The following MTMR9 variants were observed in gnomAD, a reference collection of about 807,000 sequenced individuals.
MTMR9 encodes the protein myotubularin related protein 9.
MTMR9 carries 39 observed loss-of-function variants against 69.5 expected under a neutral mutation model. That is an observed-to-expected ratio of 0.56 (90% CI 0.43 to 0.73). The LOEUF (loss-of-function observed/expected upper bound fraction) is 0.73. Ranked by LOEUF, MTMR9 falls within the 30% of genes least tolerant of loss-of-function variation. The pLI is 0.00. For synonymous variants in MTMR9, 354 were observed against 240.8 expected (o/e 1.47, Z -4.35); for missense variants, 900 against 671.2 (o/e 1.34, Z -3.77).
At chr8:11,314,839 G>C in intron 6 of MTMR9, 84 bp from the exon 7 acceptor site, 2 of 1,344,436 alleles carry the variant, frequency 1.5e-6, no homozygotes, top group Non-Finnish European at 2.1e-6. Flanking sequence ...AAAATGTTGT[G>C]CTCAATAAAC....
chr8:11,309,473 C>CT lies in MTMR9; in HGVS notation c.810-51dup, dbSNP rs1408439410. 3.3e-6 allele frequency: 5 copies of CT among 1,501,794 alleles called. No individual in the cohort carries two copies. In the African/African-American group the frequency reaches 7.0e-5, roughly 21 times the overall value. The allele number at this position is 1,501,794 out of a possible 1,614,324, so 93.0% of individuals were successfully genotyped here. A position where few individuals can be genotyped will look rare whatever the true frequency, so the allele number is the denominator to read the frequency against. The stretch of plus-strand genomic sequence containing the variant: ...GGAGGCTGAATCTTTGGTTTGGTTT[C>CT]TTTATCTTTCTATTTTCTGGGTTTG... On this transcript the variant is annotated intron_variant, in intron 5 of 9. Coordinates refer to ENST00000221086, the MANE Select transcript of MTMR9 (RefSeq NM_015458.4).
chr8:11,297,429 T>C (rs895714491), intron 2 of MTMR9, among the ~76,000 whole-genome samples: 4 of 152,202 alleles, frequency 2.6e-5, no homozygotes, highest in South Asian at 2.1e-4. Context: ...ATGCATGTAG[T>C]TTATAGACTG....
At chr8:11,293,973 G>C (rs1026429823) in intron 1 of MTMR9, among the ~76,000 whole-genome samples, 1 of 152,094 alleles carries the variant, frequency 6.6e-6, no homozygotes, top group Non-Finnish European at 1.5e-5. Context: ...ATTGTGTAGT[G>C]TTAGCCATAC....
At chr8:11,294,174 G>C (rs752932601) in intron 1 of MTMR9, among the ~76,000 whole-genome samples, 5 of 152,240 alleles carry the variant, frequency 3.3e-5, no homozygotes, top group Admixed American at 6.5e-5. Flanking sequence ...TTACACAATC[G>C]TCATCTGCAA....
intron 1 of MTMR9, among the ~76,000 whole-genome samples, chr8:11,285,719 T>G (rs1799124529): frequency 6.6e-6 from 1 of 152,256 alleles, no homozygotes; most frequent in African/African-American, 2.4e-5. Context: ...AGACTTTATC[T>G]TTCCAAGGCA....
rs996444630 is a variant in MTMR9 at position 11,327,931 on chromosome 8, C to G, written c.*5143C>G. 6.6e-6 allele frequency: 1 copy of G among 152,146 alleles called. No homozygotes were observed. The highest frequency in any genetic ancestry group is 1.5e-5 in the Non-Finnish European group (1 of 68,008). The allele number at this position is 152,146 out of a possible 1,614,324, so 9.4% of individuals were successfully genotyped here. Reference sequence around the variant, plus strand: ...ACTAGGTGATAATTTCCCCTGTACCCTATAACTGTAATCATTCACCTTGGG... The same window carrying G: ...ACTAGGTGATAATTTCCCCTGTACCGTATAACTGTAATCATTCACCTTGGG... On this transcript the variant is annotated 3_prime_UTR_variant, in exon 10 of 10. Transcript: ENST00000221086.
At chr8:11,302,558 C>G (rs1799788440) in intron 3 of MTMR9, among the ~76,000 whole-genome samples, 1 of 152,024 alleles carries the variant, frequency 6.6e-6, no homozygotes, top group African/African-American at 2.4e-5. Context: ...GATAAAAGCT[C>G]TTAGAGTTGG....
intron 2 of MTMR9, among the ~76,000 whole-genome samples, chr8:11,298,394 T>C (rs1395633571): frequency 1.3e-5 from 2 of 151,998 alleles, no homozygotes; most frequent in Non-Finnish European, 2.9e-5. Flanking sequence ...TATATATATA[T>C]ATATTTATAT....
At chr8:11,287,731 TTATA>T (rs1227724117) in intron 1 of MTMR9, among the ~76,000 whole-genome samples, 1 of 136,836 alleles carries the variant, frequency 7.3e-6, no homozygotes, top group East Asian at 2.0e-4. Flanking sequence ...ATATTATATA[TTATA>T]TATTATTTTC....
chr8:11,301,845 C>T (rs949490853), intron 3 of MTMR9, among the ~76,000 whole-genome samples: 24 of 151,766 alleles, frequency 1.6e-4, no homozygotes, highest in East Asian at 7.7e-4. Context: ...AATATAGATC[C>T]GAAATAATTA....
rs754839909 is a variant in MTMR9, at chr8:11,319,814, C to G, written c.1462C>G (p.Pro488Ala). ...NNLVIWPSVA[P>A]QSLPLWEGIF... is the part of the protein sequence containing the mutation. ...CCTTGTCATCTGGCCTTCAGTTGCTCCGCAGAGTCTTCCACTGTGGGAAGG... is the reference window on the plus strand; with the variant it reads ...CCTTGTCATCTGGCCTTCAGTTGCTGCGCAGAGTCTTCCACTGTGGGAAGG... Residue 488 changes from proline (P) to alanine (A), a missense_variant, in exon 9 of 10, where the codon CCG becomes GCG. Pro to Ala is a conservative substitution (Grantham distance 27). Coordinates refer to ENST00000221086, the MANE Select transcript of MTMR9 (RefSeq NM_015458.4). The G allele has an allele frequency of 3.2e-5, 51 of 1,614,010 alleles. No individual in the cohort carries two copies. The Middle Eastern group carries it at 4.9e-4, about 16-fold the overall frequency.
At chr8:11,312,152 C>G (rs1800226658) in intron 6 of MTMR9, among the ~76,000 whole-genome samples, 2 of 152,000 alleles carry the variant, frequency 1.3e-5, no homozygotes, top group Non-Finnish European at 2.9e-5. Context: ...TCAAATGATT[C>G]TCCCACCTCA....
In MTMR9 at chr8:11,309,534, A is replaced by T; in HGVS notation, c.817A>T (p.Ile273Phe). The T allele has an allele frequency of 1.2e-6, 2 of 1,606,114 alleles. No homozygotes were observed. The highest frequency in any genetic ancestry group is 1.3e-5 in the African/African-American group (1 of 74,600). ...RIHKSIERYH[I>F]LQESLIKLVE... Reference sequence around the variant, plus strand: ...CTTTCTTACTTTTAAAAGGTATCACATTCTTCAGGAGAGCTTAATCAAACT... The same window carrying T: ...CTTTCTTACTTTTAAAAGGTATCACTTTCTTCAGGAGAGCTTAATCAAACT... Residue 273 changes from isoleucine (I) to phenylalanine (F), a missense_variant, in exon 6 of 10, where the codon ATT (isoleucine) becomes TTT (phenylalanine). Physicochemically the swap from Ile to Phe is conservative, Grantham distance 21. Coordinates refer to ENST00000221086, the MANE Select transcript of MTMR9 (RefSeq NM_015458.4).
At chr8:11,298,861 T>G (rs1799652356) in intron 2 of MTMR9, 1 of 985,314 alleles carries the variant, frequency 1.0e-6, no homozygotes, top group South Asian at 4.7e-5. Flanking sequence ...TTTCCAGGAT[T>G]CAAGTGCTCC....
rs1246547522 is a variant in MTMR9 at position 11,326,362 on chromosome 8, G to A, written c.*3574G>A. ...TTTTATGAGCACTCTTTATCAGAAA[G>A]GTATTTCCTGGACCAGAAATGGGCA... On this transcript the variant is annotated 3_prime_UTR_variant, in exon 10 of 10. Transcript: ENST00000221086. The A allele has an allele frequency of 6.6e-6, 1 of 152,182 alleles. No homozygotes were observed. The highest frequency in any genetic ancestry group is 6.5e-5 in the Admixed American group (1 of 15,284). 9.4% of individuals were successfully genotyped at this position (152,182 alleles called of 1,614,324 possible).
At chr8:11,321,146 C>G (rs973903635) in intron 9 of MTMR9, 1 of 176,126 alleles carries the variant, frequency 5.7e-6, no homozygotes, top group East Asian at 1.5e-4. Flanking sequence ...CACCTCAGTT[C>G]ATGCTTCTAA....
intron 8 of MTMR9, 118 bp downstream of exon 8, chr8:11,317,011 G>T: frequency 3.5e-6 from 2 of 572,656 alleles, no homozygotes; most frequent in Non-Finnish European, 5.9e-6. Context: ...TTTATAAAAA[G>T]GTAGAGGCTA....
chr8:11,307,754 G>A (rs759073799), intron 5 of MTMR9, among the ~76,000 whole-genome samples: 1 of 152,100 alleles, frequency 6.6e-6, no homozygotes, highest in Non-Finnish European at 1.5e-5. Flanking sequence ...CAGGGGTGAG[G>A]TGATATCTCA....
At chr8:11,309,779 A>G in intron 6 of MTMR9, 91 bp downstream of exon 6, 1 of 1,418,840 alleles carries the variant, frequency 7.0e-7, no homozygotes, top group Non-Finnish European at 9.6e-7. Flanking sequence ...ATTATGTGAA[A>G]GTTTGCAGTA....
Sources: allele counts gnomAD v4.1 joint callset (sites outside exome capture counted in the v4.1 genomes callset), GRCh38; gene constraint gnomAD v4.1.1; transcripts MANE v1.5; gene names NCBI Gene and HGNC (gene_info 2026-07-23, HGNC 2026-07-21).